Variants in WNT9A observed in about 807,000 individuals in gnomAD.
WNT9A encodes the protein protein Wnt-9a.
A neutral mutation model predicts 31.4 loss-of-function variants in WNT9A; 8 were observed. The ratio of observed to expected loss-of-function variants is 0.26; its 90% CI spans 0.15 to 0.46. WNT9A has a LOEUF of 0.46. Among genes scored for constraint, WNT9A ranks in the 20% least tolerant of loss-of-function variants. The pLI, the probability that WNT9A is intolerant of heterozygous loss-of-function variation, is 0.99. For missense variants in WNT9A, 457 were observed against 522.9 expected (o/e 0.87, Z 1.23); for synonymous variants, 236 against 220.1 (o/e 1.07, Z -0.64).
At chr1:227,943,893 G>A (rs1666753024) in intron 1 of WNT9A, among the ~76,000 whole-genome samples, 1 of 152,148 alleles carries the variant, frequency 6.6e-6, no homozygotes, top group African/African-American at 2.4e-5. Context: ...GAGGTGGGAG[G>A]ACGGTTGAGC....
At position 227,924,062 on chromosome 1, in the gene WNT9A, T is replaced by TGCCCCCCC; in HGVS notation, c.615+75_615+76insGGGGGGGC. ...TGCCCTGCTGCAGCCCCGCCCCCAG[T>TGCCCCCCC]CCCACGCCCCACCCCCAACCCCCTG... is the stretch of plus-strand genomic sequence containing the variant. On this transcript the variant is annotated intron_variant, in intron 3 of 3. Coordinates refer to ENST00000272164, the MANE Select transcript of WNT9A (RefSeq NM_003395.4). The TGCCCCCCC allele has an allele frequency of 1.5e-4, 36 of 234,958 alleles. 1 individual carries two copies. Among genetic ancestry groups the TGCCCCCCC allele is most frequent in the East Asian group, 4.6e-4 (3 of 6,470 alleles). 14.6% of individuals were successfully genotyped at this position (234,958 alleles called of 1,614,324 possible). A position where few individuals can be genotyped will look rare whatever the true frequency, so the allele number is the denominator to read the frequency against.
rs1021715444 is a variant in WNT9A, at chr1:227,942,375, C to T, written c.95+5418G>A. Among the ~76,000 whole-genome samples the T allele has an allele frequency of 2.6e-4, 39 of 152,158 alleles. No homozygotes were observed. The highest frequency in any genetic ancestry group is 8.4e-4 in the African/African-American group (35 of 41,444). ...GAGCAGGAAGGAGGAAGGCCACCAGCGCCTGCAGGGGCCATCAGGCTGACA... is the reference window on the plus strand; with the variant it reads ...GAGCAGGAAGGAGGAAGGCCACCAGTGCCTGCAGGGGCCATCAGGCTGACA... On this transcript the variant is annotated intron_variant, in intron 1 of 3. Transcript: ENST00000272164. This position sits in a 1 kb window ranked among gnomAD's most constrained non-coding sequence, Gnocchi z 5.7.
chr1:227,932,223 C>T (rs1159327508), intron 1 of WNT9A, among the ~76,000 whole-genome samples: 1 of 152,238 alleles, frequency 6.6e-6, no homozygotes, highest in African/African-American at 2.4e-5. Flanking sequence ...CCTTTGTTGT[C>T]ATTTCAACAA....
At chr1:227,938,683 G>A (rs1285998285) in intron 1 of WNT9A, among the ~76,000 whole-genome samples, 10 of 152,110 alleles carry the variant, frequency 6.6e-5, no homozygotes, top group African/African-American at 2.4e-4. Context: ...ATACATGCAT[G>A]TACACACATA....
At chr1:227,944,133 A>C (rs1342412578) in intron 1 of WNT9A, among the ~76,000 whole-genome samples, 1 of 152,254 alleles carries the variant, frequency 6.6e-6, no homozygotes, top group East Asian at 1.9e-4. Context: ...GAAGTGATCC[A>C]GATGTCCGTC....
intron 1 of WNT9A, among the ~76,000 whole-genome samples, chr1:227,927,684 C>T (rs1425567187): frequency 6.6e-6 from 1 of 152,092 alleles, no homozygotes; most frequent in African/African-American, 2.4e-5. Context: ...AGACCTCCAT[C>T]CCCAGACGGA....
At chr1:227,936,836 T>C (rs941217564) in intron 1 of WNT9A, among the ~76,000 whole-genome samples, 5 of 152,208 alleles carry the variant, frequency 3.3e-5, no homozygotes, top group Admixed American at 2.6e-4. Context: ...AACTTATTTT[T>C]ACTTTTGGCC....
intron 3 of WNT9A, among the ~76,000 whole-genome samples, chr1:227,923,785 G>A (rs553949147): frequency 2.3e-4 from 35 of 152,210 alleles, no homozygotes; most frequent in African/African-American, 7.9e-4. Context: ...TGACAGGTGG[G>A]GCCCACAGTG....
intron 3 of WNT9A, 108 bp downstream of exon 3, chr1:227,924,030 G>A (rs916882051): frequency 1.4e-6 from 2 of 1,433,746 alleles, no homozygotes; most frequent in Non-Finnish European, 1.9e-6. Context: ...TCCACTGTGT[G>A]CCTGCCTGCC....
chr1:227,940,882 G>T (rs145941904), intron 1 of WNT9A, among the ~76,000 whole-genome samples: 1 of 152,206 alleles, frequency 6.6e-6, no homozygotes, highest in African/African-American at 2.4e-5. Context: ...TCACGGGGCC[G>T]GGGCGGCCCA....
intron 1 of WNT9A, among the ~76,000 whole-genome samples, chr1:227,946,678 A>G (rs1666798455): frequency 6.6e-6 from 1 of 152,240 alleles, no homozygotes; most frequent in Non-Finnish European, 1.5e-5. Context: ...TCCCATGAAA[A>G]TATTTTATTT....
chr1:227,933,838 A>T (rs1009154835), intron 1 of WNT9A, among the ~76,000 whole-genome samples: 3 of 145,996 alleles, frequency 2.1e-5, no homozygotes, highest in African/African-American at 5.5e-5. Context: ...AACAATCACC[A>T]CAGTCAGACG....
intron 1 of WNT9A, 21 bp downstream of exon 1, chr1:227,947,772 C>T: frequency 9.3e-7 from 1 of 1,077,094 alleles, no homozygotes; most frequent in South Asian, 4.1e-5. Flanking sequence ...CCAGTGCGCG[C>T]CGGCCGCCGA....
chr1:227,940,290 C>T (rs1308582809), intron 1 of WNT9A, among the ~76,000 whole-genome samples: 5 of 152,274 alleles, frequency 3.3e-5, no homozygotes, highest in African/African-American at 7.2e-5. Flanking sequence ...CAAGGCTGCA[C>T]GCAGGACCCC....
intron 1 of WNT9A, among the ~76,000 whole-genome samples, chr1:227,943,262 C>A (rs1309866039): frequency 3.3e-5 from 5 of 152,236 alleles, no homozygotes; most frequent in African/African-American, 1.2e-4. Flanking sequence ...CCCCACCCAC[C>A]CAGTGGGGCT....
In WNT9A at chr1:227,925,534, G is replaced by A; in HGVS notation, c.96-15C>T. The A allele has an allele frequency of 1.3e-6, 2 of 1,503,338 alleles. No individual in the cohort carries two copies. Among genetic ancestry groups the A allele is most frequent in the Non-Finnish European group, 1.8e-6 (2 of 1,129,734 alleles). 93.1% of individuals were successfully genotyped at this position (1,503,338 alleles called of 1,614,324 possible). On this transcript the variant is annotated splice_polypyrimidine_tract_variant and intron_variant, in intron 1 of 3. Coordinates refer to ENST00000272164, the MANE Select transcript of WNT9A (RefSeq NM_003395.4). The surrounding 1 kb of genome is among the most constrained non-coding windows in gnomAD (Gnocchi z 6.0). The stretch of plus-strand genomic sequence containing the variant: ...TGCCCGTCAGCCTGGGCACAGAGAG[G>A]CCAGCATGAGCCCGGCCCCAGGAAG...
At chr1:227,947,445 A>G (rs996163727) in intron 1 of WNT9A, among the ~76,000 whole-genome samples, 4 of 152,184 alleles carry the variant, frequency 2.6e-5, no homozygotes, top group African/African-American at 4.8e-5. Context: ...CTGAGGACTC[A>G]GGCTCCAGCC....
chr1:227,933,368 T>TA (rs1439538769), intron 1 of WNT9A, among the ~76,000 whole-genome samples: 1 of 152,230 alleles, frequency 6.6e-6, no homozygotes, highest in Non-Finnish European at 1.5e-5. Flanking sequence ...GGCTTTGGCT[T>TA]AAGGGAATGC....
At position 227,921,281 on chromosome 1, in the gene WNT9A, T is replaced by C. The variant is rs775767388; in HGVS notation, c.*237A>G. On this transcript the variant is annotated 3_prime_UTR_variant, in exon 4 of 4. Transcript: ENST00000272164. ...CAGGTGTAGGCCCATTCATGCTCTG[T>C]GCAATGCCTGCACCCCATGCAGCTA... The C allele has an allele frequency of 9.9e-6, 6 of 605,806 alleles. No homozygotes were observed. Among genetic ancestry groups the C allele is most frequent in the Non-Finnish European group, 1.4e-5 (5 of 356,438 alleles). The allele number at this position is 605,806 out of a possible 1,614,324, so 37.5% of individuals were successfully genotyped here.
Sources: gnomAD v4.1 joint callset for allele counts (sites outside exome capture counted in the v4.1 genomes callset) on GRCh38, gnomAD v4.1.1 for gene constraint, Gnocchi (gnomAD v3.1) non-coding constraint, MANE v1.5 for transcripts, NCBI Gene and HGNC (gene_info 2026-07-23, HGNC 2026-07-21) for gene names.